BICRAL: variants seen among roughly 807,000 people sequenced by gnomAD.
BICRAL encodes the protein BRD4-interacting chromatin-remodeling complex-associated protein-like.
A neutral mutation model predicts 91.8 loss-of-function variants in BICRAL; 8 were observed. That is an observed-to-expected ratio of 0.09 (90% CI 0.05 to 0.16). BICRAL has a LOEUF of 0.16. BICRAL is among the 10% of genes least tolerant of loss of function. BICRAL has a pLI of 1.00. For missense variants in BICRAL, 1,038 were observed against 1,310.9 expected (o/e 0.79, Z 3.21); for synonymous variants, 445 against 491.1 (o/e 0.91, Z 1.24).
At chr6:42,780,003 C>T (rs966930845), upstream of BICRAL, among the ~76,000 whole-genome samples, 15 of 152,178 alleles carry the variant, frequency 9.9e-5, no homozygotes, top group Admixed American at 8.5e-4. Flanking sequence ...TGGGCTCAAG[C>T]AGTCGTCCTG....
At chr6:42,788,660 T>G (rs938779080) in intron 1 of BICRAL, among the ~76,000 whole-genome samples, 1 of 152,182 alleles carries the variant, frequency 6.6e-6, no homozygotes, top group Non-Finnish European at 1.5e-5. Context: ...AGGACTTAAC[T>G]TTCTGACGGC....
chr6:42,823,489 A>G (rs949211386), intron 5 of BICRAL, among the ~76,000 whole-genome samples: 17 of 152,196 alleles, frequency 1.1e-4, no homozygotes, highest in African/African-American at 3.1e-4. Flanking sequence ...AACTTAGTCA[A>G]TTAAGACAAG....
In BICRAL at chr6:42,841,229, G is replaced by A. The variant is rs183207521; in HGVS notation, c.1840-10863G>A. On this transcript the variant is annotated intron_variant, in intron 6 of 12. Transcript: ENST00000314073. Reference sequence around the variant, plus strand: ...TTTTGAGATGGGGTCTCACTTTGTCGCCAGGCTGGAGTGCAGTGGCACGAT... The same window carrying A: ...TTTTGAGATGGGGTCTCACTTTGTCACCAGGCTGGAGTGCAGTGGCACGAT... Among the ~76,000 whole-genome samples the A allele has an allele frequency of 1.3e-3, 157 of 119,094 alleles. 1 individual carries two copies. The highest frequency in any genetic ancestry group is 8.3e-3 in the Middle Eastern group (1 of 120). The allele number at this position is 119,094 out of a possible 152,430, so 78.1% of individuals were successfully genotyped here.
In BICRAL at chr6:42,829,357, A is replaced by T. The variant is rs187390779; in HGVS notation, c.1024A>T (p.Ile342Phe). 39 of 1,614,072 alleles carry T rather than the reference A, an allele frequency of 2.4e-5. No individual in the cohort carries two copies. Among genetic ancestry groups the T allele is most frequent in the Non-Finnish European group, 3.3e-5 (39 of 1,180,030 alleles). The change falls in exon 6 of 13, where the codon ATC becomes TTC. Residue 342 changes from isoleucine (I) to phenylalanine (F), a missense_variant. By Grantham distance (21) the Ile-to-Phe change is conservative (BLOSUM62 0). Coordinates refer to ENST00000314073, the MANE Select transcript of BICRAL (RefSeq NM_001393499.1). Reference sequence around the variant, plus strand: ...TCAGCAGCACCACGTACAACAAGGGATCTCTTTTGCTTCTGCAAGCTCACC... The same window carrying T: ...TCAGCAGCACCACGTACAACAAGGGTTCTCTTTTGCTTCTGCAAGCTCACC... ...GIQQHHVQQG[I>F]SFASASSPQG...
chr6:42,833,709 A>G (rs530333382), intron 6 of BICRAL, among the ~76,000 whole-genome samples: 61 of 149,276 alleles, frequency 4.1e-4, no homozygotes, highest in African/African-American at 1.4e-3. Flanking sequence ...CAGCCTCCCA[A>G]TTTGTTTTGG....
chr6:42,828,594 T>C lies in BICRAL; in HGVS notation c.261T>C (p.Asp87=). 6.2e-7 allele frequency: 1 copy of C among 1,614,162 alleles called. No individual in the cohort carries two copies. The highest frequency in any genetic ancestry group is 8.5e-7 in the Non-Finnish European group (1 of 1,180,034). ...PLSSSLQFLE[D]ELESSPLPDL... ...CAAGTAGCCTCCAGTTTCTTGAAGATGAACTCGAGTCTTCTCCTCTTCCTG... is the reference window on the plus strand; with the variant it reads ...CAAGTAGCCTCCAGTTTCTTGAAGACGAACTCGAGTCTTCTCCTCTTCCTG... Residue 87 remains aspartate (D), a synonymous_variant, in exon 6 of 13, where the codon GAT becomes GAC. Coordinates refer to ENST00000314073, the MANE Select transcript of BICRAL (RefSeq NM_001393499.1).
Position 42,857,614 on chromosome 6 carries a change from A to AAAAATAT in BICRAL, c.2254+379_2254+380insAAATATA. Among the ~76,000 whole-genome samples the AAAAATAT allele has an allele frequency of 4.4e-4, 42 of 96,216 alleles. 1 individual carries two copies. The highest frequency in any genetic ancestry group is 1.6e-3 in the African/African-American group (24 of 15,282). The allele number at this position is 96,216 out of a possible 152,430, so 63.1% of individuals were successfully genotyped here. A position where few individuals can be genotyped will look rare whatever the true frequency, so the allele number is the denominator to read the frequency against. Reference sequence around the variant, plus strand: ...ACACTGTCTCTTAAAAAAAAAAAAAAATATATATATATATATATATATTTT... The same window carrying AAAAATAT: ...ACACTGTCTCTTAAAAAAAAAAAAAAAAAATATATATATATATATATATATATATTTT... On this transcript the variant is annotated intron_variant, in intron 10 of 12. Transcript: ENST00000314073.
rs982790959 is a variant in BICRAL, at chr6:42,822,663, A to G, written c.42-133A>G. The G allele has an allele frequency of 7.3e-6, 4 of 547,514 alleles. No individual in the cohort carries two copies. The African/African-American group carries it at 7.9e-5, about 11-fold the overall frequency. 33.9% of individuals were successfully genotyped at this position (547,514 alleles called of 1,614,324 possible). On this transcript the variant is annotated intron_variant, in intron 3 of 12. Transcript: ENST00000314073. ...AAGATTAAAAAAAAAAAAACCTACT[A>G]ATAGTTTTAAAATAGGGAGAGGATT...
intron 5 of BICRAL, among the ~76,000 whole-genome samples, chr6:42,827,345 T>G (rs1695522545): frequency 6.6e-6 from 1 of 152,190 alleles, no homozygotes; most frequent in Non-Finnish European, 1.5e-5. Flanking sequence ...ACAACACTGA[T>G]CTCTGGTAAG....
chr6:42,777,544 C>T (rs548981079), upstream of BICRAL, among the ~76,000 whole-genome samples: 3 of 152,216 alleles, frequency 2.0e-5, no homozygotes, highest in South Asian at 2.1e-4. Context: ...AGAACACTTA[C>T]TAACTCTTCT....
chr6:42,789,194 T>C (rs766151047), intron 1 of BICRAL, among the ~76,000 whole-genome samples: 1 of 152,216 alleles, frequency 6.6e-6, no homozygotes, highest in Non-Finnish European at 1.5e-5. Flanking sequence ...GATAGGGCTC[T>C]TGGTTTCACA....
At chr6:42,836,615 G>GTTTT in intron 6 of BICRAL, among the ~76,000 whole-genome samples, 1 of 142,634 alleles carries the variant, frequency 7.0e-6, no homozygotes, top group African/African-American at 2.6e-5. Context: ...TTTCTGTGTA[G>GTTTT]TTTCTTTTTT....
intron 2 of BICRAL, among the ~76,000 whole-genome samples, chr6:42,815,676 T>C (rs1319081631): frequency 2.6e-5 from 4 of 152,036 alleles, no homozygotes; most frequent in Non-Finnish European, 5.9e-5. Context: ...TTAATTAAAT[T>C]CAGACTGTTT....
intron 6 of BICRAL, among the ~76,000 whole-genome samples, chr6:42,842,195 C>T (rs1478175163): frequency 1.3e-5 from 2 of 152,176 alleles, no homozygotes; most frequent in Non-Finnish European, 2.9e-5. Flanking sequence ...GGAGAAAGGG[C>T]TTTAGGCATC....
chr6:42,802,832 C>T (rs1290169155), intron 1 of BICRAL, among the ~76,000 whole-genome samples: 1 of 152,124 alleles, frequency 6.6e-6, no homozygotes. Flanking sequence ...CCTCCGTCCT[C>T]AGCCTCCCAA....
chr6:42,785,170 A>T (rs373536801), intron 1 of BICRAL, among the ~76,000 whole-genome samples: 2 of 152,050 alleles, frequency 1.3e-5, no homozygotes, highest in African/African-American at 4.8e-5. Context: ...GTTTTTTTTT[A>T]AAGTATGTTG....
At chr6:42,797,387 A>G (rs1407384529) in intron 1 of BICRAL, among the ~76,000 whole-genome samples, 2 of 152,164 alleles carry the variant, frequency 1.3e-5, no homozygotes. Context: ...TTTCTTTTAT[A>G]CGTTAAAATC....
chr6:42,807,772 C>T (rs1449057229), intron 1 of BICRAL, among the ~76,000 whole-genome samples: 1 of 150,368 alleles, frequency 6.7e-6, no homozygotes, highest in Non-Finnish European at 1.5e-5. Flanking sequence ...CACCACTGCA[C>T]TCTAGCCTGG....
chr6:42,836,936 T>G (rs887383942), intron 6 of BICRAL, among the ~76,000 whole-genome samples: 1 of 147,584 alleles, frequency 6.8e-6, no homozygotes, highest in Non-Finnish European at 1.5e-5. Context: ...GTAGTTTCTA[T>G]GTAATATTTC....
Sources: allele counts gnomAD v4.1 joint callset (sites outside exome capture counted in the v4.1 genomes callset), GRCh38; gene constraint gnomAD v4.1.1; transcripts MANE v1.5; gene names NCBI Gene and HGNC (gene_info 2026-07-23, HGNC 2026-07-21).